The following STK4 variants were observed in gnomAD, a reference collection of about 807,000 sequenced individuals.
STK4 encodes the protein serine/threonine-protein kinase 4.
A neutral mutation model predicts 64.9 loss-of-function variants in STK4; 30 were observed. The observed-to-expected ratio is 0.46, with a 90% CI of 0.35 to 0.63. The LOEUF is 0.63. STK4 is among the 20% of genes least tolerant of loss of function. The pLI is 0.01. For missense variants in STK4, 466 were observed against 598.5 expected, an observed-to-expected ratio of 0.78 and a Z score of 2.31; for synonymous variants, 177 against 199.0, an observed-to-expected ratio of 0.89 and a Z score of 0.93.
At chr20:45,070,343 T>G (rs372902268) in intron 10 of STK4, among the ~76,000 whole-genome samples, 1 of 152,158 alleles carries the variant, frequency 6.6e-6, no homozygotes, top group African/African-American at 2.4e-5. Context: ...TGGACCAAGG[T>G]AGATGGAGAT....
rs1408957049 is a variant in STK4 at position 44,987,241 on chromosome 20, T to C, written c.470T>C (p.Leu157Pro). 1 of 1,612,876 alleles carries C rather than the reference T, an allele frequency of 6.2e-7. No individual in the cohort carries two copies. ...HRDIKAGNIL[L>P]NTEGHAKLAD... is the part of the protein sequence containing the mutation. ...GATATCAAGGCAGGAAATATTTTGCTAAATACAGAAGGACATGCAAAACTT... is the reference window on the plus strand; with the variant it reads ...GATATCAAGGCAGGAAATATTTTGCCAAATACAGAAGGACATGCAAAACTT... The change falls in exon 5 of 11, where the codon CTA (leucine) becomes CCA (proline). Residue 157 changes from leucine to proline, a missense_variant. Leu to Pro is a moderately conservative substitution (Grantham distance 98, BLOSUM62 -3). Transcript: ENST00000372806.
At chr20:45,032,521 G>A (rs1568739170) in intron 10 of STK4, among the ~76,000 whole-genome samples, 2 of 152,172 alleles carry the variant, frequency 1.3e-5, no homozygotes, top group South Asian at 2.1e-4. Context: ...AGAACATGCT[G>A]TATTTGGTTT....
intron 1 of STK4, among the ~76,000 whole-genome samples, chr20:44,971,765 G>T (rs2067251270): frequency 6.6e-6 from 1 of 150,498 alleles, no homozygotes; most frequent in East Asian, 1.9e-4. Context: ...CTGCCTCCTG[G>T]GTTCACGCCA....
intron 10 of STK4, among the ~76,000 whole-genome samples, chr20:45,050,782 G>A (rs1004965058): frequency 4.0e-5 from 6 of 151,786 alleles, no homozygotes; most frequent in Admixed American, 2.0e-4. Flanking sequence ...GCTTTTTCTT[G>A]TGGTTTCTGG....
At chr20:44,978,352 T>C in intron 2 of STK4, 91 bp from the exon 3 acceptor site, 1 of 1,475,916 alleles carries the variant, frequency 6.8e-7, no homozygotes, top group Non-Finnish European at 9.1e-7. Flanking sequence ...TAGGGATATA[T>C]GTTAGAACTA....
At position 44,997,309 on chromosome 20, in the gene STK4, A is replaced by G; in HGVS notation, c.831+3A>G. 1 of 1,590,324 alleles carries G rather than the reference A, an allele frequency of 6.3e-7. No homozygotes were observed. Among genetic ancestry groups the G allele is most frequent in the Non-Finnish European group, 8.5e-7 (1 of 1,171,662 alleles). ...CCACAGCCACTCAGCTCCTGCAGGTATGAATCACCCTGTGATGCCATCTCG... is the reference window on the plus strand; with the variant it reads ...CCACAGCCACTCAGCTCCTGCAGGTGTGAATCACCCTGTGATGCCATCTCG... On this transcript the variant is annotated splice_donor_region_variant and intron_variant, in intron 7 of 10. Coordinates refer to ENST00000372806, the MANE Select transcript of STK4 (RefSeq NM_006282.5).
chr20:45,064,918 C>T (rs1169691542), intron 10 of STK4, among the ~76,000 whole-genome samples: 1 of 152,206 alleles, frequency 6.6e-6, no homozygotes, highest in Non-Finnish European at 1.5e-5. Flanking sequence ...GACTTCCCTT[C>T]TTCCTGTTTG....
intron 10 of STK4, among the ~76,000 whole-genome samples, chr20:45,032,607 C>T (rs1163635222): frequency 1.3e-5 from 2 of 152,140 alleles, no homozygotes; most frequent in Non-Finnish European, 2.9e-5. Flanking sequence ...TGATCTTGCT[C>T]GTTTCTGTGG....
At chr20:45,056,150 T>C (rs1008142242) in intron 10 of STK4, among the ~76,000 whole-genome samples, 13 of 152,230 alleles carry the variant, frequency 8.5e-5, no homozygotes, top group Non-Finnish European at 5.9e-5. Flanking sequence ...TTTGTTGAGG[T>C]TTAATTTATA....
intron 3 of STK4, among the ~76,000 whole-genome samples, chr20:44,980,626 T>C (rs2067420078): frequency 6.6e-6 from 1 of 152,228 alleles, no homozygotes; most frequent in African/African-American, 2.4e-5. Flanking sequence ...AAAATTCAAA[T>C]GAAAAGAAAA....
chr20:45,043,671 G>T (rs1019413050), intron 10 of STK4, among the ~76,000 whole-genome samples: 1 of 152,170 alleles, frequency 6.6e-6, no homozygotes, highest in South Asian at 2.1e-4. Flanking sequence ...GTCAAAGAAA[G>T]TGCTCATTGG....
intron 10 of STK4, among the ~76,000 whole-genome samples, chr20:45,045,737 T>C (rs1238611275): frequency 2.0e-5 from 3 of 152,196 alleles, no homozygotes; most frequent in Admixed American, 2.0e-4. Flanking sequence ...TGCTGTTCTT[T>C]CTTATTTACT....
chr20:44,978,326 A>G, intron 2 of STK4, 117 bp from the exon 3 acceptor site: 1 of 1,236,514 alleles, frequency 8.1e-7, no homozygotes, highest in African/African-American at 1.5e-5. Context: ...TTGCAAGTGT[A>G]TATGTATTAG....
At chr20:45,026,354 G>A (rs2068348753) in intron 10 of STK4, among the ~76,000 whole-genome samples, 1 of 109,728 alleles carries the variant, frequency 9.1e-6, no homozygotes, top group African/African-American at 3.6e-5. Flanking sequence ...TGTGTGCATA[G>A]TTTTTTAAAA....
intron 9 of STK4, chr20:45,007,794 G>A (rs922888250): frequency 7.1e-6 from 3 of 422,996 alleles, no homozygotes; most frequent in Admixed American, 5.4e-5. Flanking sequence ...TTTACATACA[G>A]GGGGTACATG....
intron 9 of STK4, chr20:45,007,652 G>C: frequency 3.8e-6 from 1 of 259,944 alleles, no homozygotes; most frequent in Middle Eastern, 1.6e-3. Flanking sequence ...ATAGGCGTTA[G>C]ATCCATAATA....
intron 10 of STK4, among the ~76,000 whole-genome samples, chr20:45,050,635 A>G (rs1227681485): frequency 6.6e-6 from 1 of 152,164 alleles, no homozygotes; most frequent in African/African-American, 2.4e-5. Context: ...TTGATTTTAA[A>G]GACTTCTTCA....
rs116172318 is a variant in STK4, at chr20:44,991,681, G to A, written c.526-3409G>A. On this transcript the variant is annotated intron_variant, in intron 5 of 10. Transcript: ENST00000372806. Reference sequence around the variant, plus strand: ...TTGTACTTTTTTTTTTTGTTTTTGGGAGACAGGGTCTTGCTCTGTCACCCA... The same window carrying A: ...TTGTACTTTTTTTTTTTGTTTTTGGAAGACAGGGTCTTGCTCTGTCACCCA... 7.2e-3 allele frequency among the ~76,000 whole-genome samples: 1,095 copies of A among 151,462 alleles called. 9 individuals carry two copies. Among genetic ancestry groups the A allele is most frequent in the African/African-American group, 0.025 (1,040 of 41,278 alleles).
intron 9 of STK4, among the ~76,000 whole-genome samples, chr20:45,013,764 C>T (rs1329769625): frequency 6.6e-6 from 1 of 152,002 alleles, no homozygotes; most frequent in Admixed American, 6.5e-5. Flanking sequence ...AATTGTCTTT[C>T]ATTTGTCTAT....
Sources: gnomAD v4.1 joint callset for allele counts (sites outside exome capture counted in the v4.1 genomes callset) on GRCh38, gnomAD v4.1.1 for gene constraint, MANE v1.5 for transcripts, NCBI Gene and HGNC (gene_info 2026-07-23, HGNC 2026-07-21) for gene names.